Variants in ADAM17 observed in about 807,000 individuals in gnomAD.
ADAM17 encodes ADAM metallopeptidase domain 17, also known as disintegrin and metalloproteinase domain-containing protein 17.
Under a neutral mutation model 96.7 loss-of-function variants are expected in ADAM17, and 39 were observed. The ratio of observed to expected loss-of-function variants is 0.40; its 90% confidence interval spans 0.31 to 0.53. ADAM17 has a LOEUF of 0.53. ADAM17 is among the 20% of genes least tolerant of loss of function. ADAM17 has a pLI of 0.44. For missense variants in ADAM17, 777 were observed against 1,013.2 expected (o/e 0.77, Z 3.17); for synonymous variants, 344 against 359.2 (o/e 0.96, Z 0.48).
At chr2:9,525,994 T>C (rs916447988) in intron 6 of ADAM17, 117 bp downstream of exon 6, 2 of 1,077,458 alleles carry the variant, frequency 1.9e-6, no homozygotes, top group Non-Finnish European at 2.6e-6. Flanking sequence ...AGAATATCCC[T>C]CAAATATTTT....
rs184660941 is a variant in ADAM17 at position 9,489,590 on chromosome 2, T to C, written c.*587A>G. On this transcript the variant is annotated 3_prime_UTR_variant, in exon 19 of 19. Coordinates refer to ENST00000310823, the MANE Select transcript of ADAM17 (RefSeq NM_003183.6). ...TTAGTCTTAGAATTATGAAGAGCCATATTAACCCAAATGATTTCTAAATTT... is the reference window on the plus strand; with the variant it reads ...TTAGTCTTAGAATTATGAAGAGCCACATTAACCCAAATGATTTCTAAATTT... The C allele has an allele frequency of 6.6e-6, 1 of 152,548 alleles. No homozygotes were observed. The highest frequency in any genetic ancestry group is 2.4e-5 in the African/African-American group (1 of 41,470). The allele number at this position is 152,548 out of a possible 1,614,324, so 9.4% of individuals were successfully genotyped here.
intron 8 of ADAM17, among the ~76,000 whole-genome samples, chr2:9,520,783 G>A (rs1052592167): frequency 6.6e-6 from 1 of 151,732 alleles, no homozygotes; most frequent in Non-Finnish European, 1.5e-5. Flanking sequence ...GACCAACATG[G>A]AGAAACCCTG....
intron 4 of ADAM17, among the ~76,000 whole-genome samples, chr2:9,531,528 C>G (rs1558519228): frequency 1.3e-5 from 2 of 151,856 alleles, no homozygotes; most frequent in East Asian, 4.0e-4. Context: ...GTGGCAAAAC[C>G]CTGTCTCTAC....
At chr2:9,545,463 G>A (rs1665368384) in intron 1 of ADAM17, among the ~76,000 whole-genome samples, 3 of 152,138 alleles carry the variant, frequency 2.0e-5, no homozygotes, top group South Asian at 2.1e-4. Context: ...CCAGCTACTC[G>A]GTAGGCTGAG....
intron 1 of ADAM17, among the ~76,000 whole-genome samples, chr2:9,547,807 T>C (rs1042852495): frequency 2.6e-5 from 4 of 152,102 alleles, no homozygotes; most frequent in Non-Finnish European, 4.4e-5. Context: ...CCCAGCACCT[T>C]GGGAGGCCAA....
chr2:9,531,778 A>G (rs1188552183), intron 4 of ADAM17, among the ~76,000 whole-genome samples: 2 of 151,882 alleles, frequency 1.3e-5, no homozygotes, highest in African/African-American at 4.8e-5. Flanking sequence ...ATAAATAGTA[A>G]GCTATGGTAA....
At chr2:9,532,638 A>ATTTTTTTTT in intron 4 of ADAM17, among the ~76,000 whole-genome samples, 1 of 114,284 alleles carries the variant, frequency 8.8e-6, no homozygotes, top group Non-Finnish European at 1.7e-5. Flanking sequence ...TGCCCAGCTA[A>ATTTTTTTTT]TTTTTTTTTT....
At chr2:9,553,536 G>A (rs1360030678) in intron 1 of ADAM17, among the ~76,000 whole-genome samples, 6 of 151,876 alleles carry the variant, frequency 4.0e-5, no homozygotes, top group African/African-American at 1.5e-4. Context: ...TTAGCCGGAC[G>A]TGGTGGCACA....
chr2:9,553,120 A>T (rs1488505899), intron 1 of ADAM17, among the ~76,000 whole-genome samples: 19 of 152,192 alleles, frequency 1.2e-4, no homozygotes, highest in Admixed American at 1.2e-3. Context: ...GCCTATGTTC[A>T]TCATTGACAA....
rs567931151 is a variant in ADAM17 at position 9,543,179 on chromosome 2, T to C, written c.204A>G (p.Thr68=). 3.5e-5 allele frequency: 56 copies of C among 1,597,988 alleles called. 1 individual carries two copies. In the South Asian group the frequency reaches 5.7e-4, roughly 16 times the overall value. The change falls in exon 2 of 19, where the codon ACA becomes ACG. Residue 68 remains threonine (T), a synonymous_variant. Transcript: ENST00000310823. ...RDLQTSTHVE[T]LLTFSALKRH... ...TTTTCAAAGCTGAAAAAGTTAGTAG[T>C]GTTTCTACATGTGTTGAAGTCTGTA...
intron 5 of ADAM17, 116 bp from the exon 6 acceptor site, chr2:9,526,360 T>TA (rs1664531169): frequency 3.8e-6 from 4 of 1,060,106 alleles, no homozygotes; most frequent in Admixed American, 5.8e-5. Context: ...TTAATATCAC[T>TA]AAAGGATTCT....
At chr2:9,519,837 T>C (rs1326338680) in intron 8 of ADAM17, among the ~76,000 whole-genome samples, 1 of 152,230 alleles carries the variant, frequency 6.6e-6, no homozygotes, top group East Asian at 1.9e-4. Flanking sequence ...GACTTCCAGC[T>C]TCCAGAACTG....
rs748390461 is a variant in ADAM17 at position 9,536,773 on chromosome 2, C to T, written c.286G>A (p.Val96Ile). The change falls in exon 3 of 19, where the codon GTC (valine) becomes ATC (isoleucine). Residue 96 changes from valine (V) to isoleucine (I), a missense_variant. By Grantham distance (29) the Val-to-Ile change is conservative. This residue lies in a region of ADAM17 where 134 missense variants were observed against 129.1 expected (regional missense o/e 1.04). Coordinates refer to ENST00000310823, the MANE Select transcript of ADAM17 (RefSeq NM_003183.6). The stretch of plus-strand genomic sequence containing the variant: ...TCGTTTTTACCATCCACCACCACGA[C>T]CTTGAAATTTTGTGAAAAACGTTCA... ...STERFSQNFKVVVVDGKNESE... is the reference protein window; with the variant it reads ...STERFSQNFKIVVVDGKNESE... The T allele has an allele frequency of 9.9e-6, 16 of 1,613,924 alleles. No homozygotes were observed. The highest frequency in any genetic ancestry group is 7.6e-6 in the Non-Finnish European group (9 of 1,179,984).
chr2:9,513,639 G>GT (rs1663866595), intron 10 of ADAM17, among the ~76,000 whole-genome samples: 1 of 152,104 alleles, frequency 6.6e-6, no homozygotes, highest in Admixed American at 6.5e-5. Flanking sequence ...AGTCTTCTGT[G>GT]TTGATGATGA....
chr2:9,553,816 C>A (rs1665658516), intron 1 of ADAM17, among the ~76,000 whole-genome samples: 1 of 152,158 alleles, frequency 6.6e-6, no homozygotes, highest in African/African-American at 2.4e-5. Context: ...GTAATCCCAG[C>A]ACTTAGGGAG....
At chr2:9,503,374 T>G (rs1572900716) in intron 12 of ADAM17, among the ~76,000 whole-genome samples, 1 of 152,190 alleles carries the variant, frequency 6.6e-6, no homozygotes, top group Non-Finnish European at 1.5e-5. Flanking sequence ...TGGGTAACTT[T>G]CTAACTTGTA....
chr2:9,527,969 A>G lies in ADAM17; in HGVS notation c.451-15T>C, dbSNP rs376334773. ...CTCCAAAGTGGCTAAAACAGAAAAT[A>G]TATACGACTGAGATGGAAAACAATA... On this transcript the variant is annotated splice_polypyrimidine_tract_variant and intron_variant, in intron 4 of 18. Transcript: ENST00000310823. The G allele has an allele frequency of 1.6e-5, 23 of 1,454,988 alleles. No individual in the cohort carries two copies. The highest frequency in any genetic ancestry group is 1.9e-5 in the Non-Finnish European group (21 of 1,087,434). The allele number at this position is 1,454,988 out of a possible 1,614,324, so 90.1% of individuals were successfully genotyped here.
At chr2:9,509,891 G>C in intron 11 of ADAM17, 88 bp downstream of exon 11, 1 of 1,514,270 alleles carries the variant, frequency 6.6e-7, no homozygotes, top group East Asian at 2.3e-5. Flanking sequence ...GAAACGCCTA[G>C]GAATGGAATA....
chr2:9,512,854 A>C (rs1663815907), intron 10 of ADAM17, among the ~76,000 whole-genome samples: 3 of 152,200 alleles, frequency 2.0e-5, no homozygotes. Context: ...TTTTGAATAC[A>C]TGGAGGTTGA....
Sources: allele counts gnomAD v4.1 joint callset (sites outside exome capture counted in the v4.1 genomes callset), GRCh38; gene constraint gnomAD v4.1.1; regional missense constraint gnomAD v4.1.1; transcripts MANE v1.5; gene names NCBI Gene and HGNC (gene_info 2026-07-23, HGNC 2026-07-21).